Variants in SYT9 observed in about 807,000 individuals in gnomAD.
SYT9 encodes the protein synaptotagmin-9.
Under a neutral mutation model 48.4 loss-of-function variants are expected in SYT9, and 22 were observed. That is an observed-to-expected ratio of 0.45 (90% CI 0.32 to 0.65). The LOEUF (loss-of-function observed/expected upper bound fraction) is 0.65. SYT9 is among the 30% of genes least tolerant of loss of function. The pLI is 0.03. For synonymous variants in SYT9, 265 were observed against 245.0 expected, an observed-to-expected ratio of 1.08 and a Z score of -0.76; for missense variants, 577 against 622.0, an observed-to-expected ratio of 0.93 and a Z score of 0.77.
chr11:7,301,832 C>T lies in SYT9; in HGVS notation c.146-1207C>T, dbSNP rs538004733. ...CTTTAAAATAAGGATTTTACAGCCACCATAATGCCAGAAATGCATTCAGAT... is the reference window on the plus strand; with the variant it reads ...CTTTAAAATAAGGATTTTACAGCCATCATAATGCCAGAAATGCATTCAGAT... On this transcript the variant is annotated intron_variant, in intron 1 of 6. Transcript: ENST00000318881. Among the ~76,000 whole-genome samples the T allele has an allele frequency of 5.7e-4, 87 of 152,242 alleles. 1 individual carries two copies. The highest frequency in any genetic ancestry group is 2.0e-3 in the African/African-American group (85 of 41,540).
In SYT9 at chr11:7,389,842, A is replaced by C. The variant is rs141147557; in HGVS notation, c.1045-26200A>C. ...AAAACCTGCTTGGGAGGAAAAAAAA[A>C]CCTACATAAGAATGGCATCAAACAT... On this transcript the variant is annotated intron_variant, in intron 3 of 6. Transcript: ENST00000318881. Among the ~76,000 whole-genome samples, 26 of 152,252 alleles carry C rather than the reference A, an allele frequency of 1.7e-4. No homozygotes were observed. In the East Asian group the frequency reaches 5.0e-3, roughly 29 times the overall value.
intron 3 of SYT9, among the ~76,000 whole-genome samples, chr11:7,371,052 G>A (rs1239594393): frequency 6.6e-6 from 1 of 152,038 alleles, no homozygotes; most frequent in Non-Finnish European, 1.5e-5. Context: ...TGTACTTTGT[G>A]TTTTTCCATT....
chr11:7,390,078 G>A (rs969407851), intron 3 of SYT9, among the ~76,000 whole-genome samples: 3 of 152,038 alleles, frequency 2.0e-5, no homozygotes, highest in Admixed American at 6.6e-5. Context: ...TGGGTTTGCC[G>A]CACCCATCAA....
intron 1 of SYT9, among the ~76,000 whole-genome samples, chr11:7,260,503 C>T (rs1848059188): frequency 1.3e-5 from 2 of 152,162 alleles, no homozygotes; most frequent in South Asian, 4.1e-4. Flanking sequence ...ACGAAAGCCC[C>T]TGTATGCCAT....
At chr11:7,308,366 T>G (rs777844306) in intron 2 of SYT9, among the ~76,000 whole-genome samples, 1 of 152,086 alleles carries the variant, frequency 6.6e-6, no homozygotes, top group Non-Finnish European at 1.5e-5. Flanking sequence ...GGAACATATA[T>G]TAGGGTGCAC....
intron 3 of SYT9, among the ~76,000 whole-genome samples, chr11:7,380,038 C>T (rs1186861292): frequency 2.0e-5 from 3 of 152,046 alleles, no homozygotes; most frequent in Non-Finnish European, 4.4e-5. Context: ...TTGGAAACAA[C>T]CTAAGTGTCT....
At chr11:7,247,335 G>A (rs181182754), upstream of SYT9, among the ~76,000 whole-genome samples, 12 of 151,878 alleles carry the variant, frequency 7.9e-5, no homozygotes, top group African/African-American at 2.9e-4. Flanking sequence ...CTGCTTGTGA[G>A]TGAGAACATA....
chr11:7,455,508 ATTT>A (rs111963518), intron 6 of SYT9, among the ~76,000 whole-genome samples: 18,735 of 145,142 alleles, frequency 0.13, 1,396 homozygotes, highest in African/African-American at 0.18. Flanking sequence ...TAATTTTTGT[ATTT>A]TTTTTTTTTG....
Position 7,313,871 on chromosome 11 carries a change from A to G in SYT9, c.974A>G (p.Asp325Gly). 1 of 1,614,116 alleles carries G rather than the reference A, an allele frequency of 6.2e-7. No individual in the cohort carries two copies. The highest frequency in any genetic ancestry group is 8.5e-7 in the Non-Finnish European group (1 of 1,180,004). ...RHDLIGQVVV[D>G]HFLDLADFPR... ...GACTTAATCGGCCAAGTGGTGGTGGATCACTTCCTAGACTTGGCTGATTTC... is the reference window on the plus strand; with the variant it reads ...GACTTAATCGGCCAAGTGGTGGTGGGTCACTTCCTAGACTTGGCTGATTTC... Residue 325 changes from aspartate to glycine, a missense_variant, in exon 3 of 7, where the codon GAT (aspartate) becomes GGT (glycine). By Grantham distance (94) the Asp-to-Gly change is moderately conservative. Transcript: ENST00000318881.
intron 3 of SYT9, among the ~76,000 whole-genome samples, chr11:7,391,704 C>G (rs1409295472): frequency 8.1e-6 from 1 of 123,102 alleles, no homozygotes; most frequent in Non-Finnish European, 1.6e-5. Flanking sequence ...AGTTTGAGAC[C>G]AGCATGGACA....
chr11:7,268,280 T>C (rs1848228452), intron 1 of SYT9, among the ~76,000 whole-genome samples: 1 of 151,982 alleles, frequency 6.6e-6, no homozygotes, highest in Non-Finnish European at 1.5e-5. Context: ...GCTAGGCTTA[T>C]GCACGTTAAA....
chr11:7,441,688 T>A (rs887338554), intron 6 of SYT9: 6 of 152,180 alleles, frequency 3.9e-5, no homozygotes, highest in Non-Finnish European at 4.4e-5. Flanking sequence ...GACATGAAAG[T>A]AGCCACAGGA....
chr11:7,427,218 G>A (rs1185084742), intron 6 of SYT9: 2 of 152,176 alleles, frequency 1.3e-5, no homozygotes, highest in Admixed American at 6.5e-5. Context: ...GTGTAAAAAG[G>A]TATTGAGAAT....
chr11:7,315,617 A>G (rs1367800515), intron 3 of SYT9, among the ~76,000 whole-genome samples: 2 of 152,220 alleles, frequency 1.3e-5, no homozygotes, highest in African/African-American at 4.8e-5. Flanking sequence ...AGTTGCCTTT[A>G]GAGACTTTGT....
At chr11:7,428,034 TATTGA>T (rs549786978) in intron 6 of SYT9, 19 of 152,324 alleles carry the variant, frequency 1.2e-4, no homozygotes, top group Admixed American at 5.9e-4. Context: ...TTCTTTCTTG[TATTGA>T]ATTATCTGTA....
At chr11:7,384,141 T>C (rs1280391352) in intron 3 of SYT9, among the ~76,000 whole-genome samples, 1 of 151,796 alleles carries the variant, frequency 6.6e-6, no homozygotes, top group Non-Finnish European at 1.5e-5. Context: ...CGTTATACAC[T>C]TGTGGAGATA....
At chr11:7,453,430 C>T (rs868114082) in intron 6 of SYT9, among the ~76,000 whole-genome samples, 12 of 152,148 alleles carry the variant, frequency 7.9e-5, no homozygotes, top group African/African-American at 2.7e-4. Context: ...CCAGTGTTTA[C>T]TGAGCCCCGC....
intron 3 of SYT9, among the ~76,000 whole-genome samples, chr11:7,370,537 C>T: frequency 6.6e-6 from 1 of 151,998 alleles, no homozygotes; most frequent in East Asian, 1.9e-4. Flanking sequence ...ATTCGGTGAG[C>T]ATACTAAAAT....
chr11:7,252,025 C>A lies in SYT9; in HGVS notation c.-162C>A. ...GAGCTGCATGCAACCGGTGGGAGGC[C>A]GGGCCGGCTGGGTCTGGGGCTCGGG... On this transcript the variant is annotated 5_prime_UTR_variant, in exon 1 of 7. Coordinates refer to ENST00000318881, the MANE Select transcript of SYT9 (RefSeq NM_175733.4). The surrounding 1 kb of genome is among the most constrained non-coding windows in gnomAD (Gnocchi z 6.3). 1.3e-6 allele frequency: 1 copy of A among 786,136 alleles called. No individual in the cohort carries two copies. Among genetic ancestry groups the A allele is most frequent in the Non-Finnish European group, 1.8e-6 (1 of 561,388 alleles). The allele number at this position is 786,136 out of a possible 1,614,324, so 48.7% of individuals were successfully genotyped here. A position where few individuals can be genotyped will look rare whatever the true frequency, so the allele number is the denominator to read the frequency against.
Sources: gnomAD v4.1 joint callset for allele counts (sites outside exome capture counted in the v4.1 genomes callset) on GRCh38, gnomAD v4.1.1 for gene constraint, Gnocchi (gnomAD v3.1) non-coding constraint, MANE v1.5 for transcripts, NCBI Gene and HGNC (gene_info 2026-07-23, HGNC 2026-07-21) for gene names.